KSR2: variants seen among roughly 807,000 people sequenced by gnomAD.
KSR2 encodes the protein kinase suppressor of ras 2.
KSR2 carries 25 observed loss-of-function variants against 107.8 expected under a neutral mutation model. The ratio of observed to expected loss-of-function variants is 0.23; its 90% CI spans 0.17 to 0.32. The LOEUF (loss-of-function observed/expected upper bound fraction) is 0.32, where lower values mean the gene tolerates loss of function less well. Among genes scored for constraint, KSR2 ranks in the 10% least tolerant of loss-of-function variants. The pLI, the probability that KSR2 is intolerant of heterozygous loss-of-function variation, is 1.00. For missense variants in KSR2, 887 were observed against 1,268.9 expected (o/e 0.70, Z 4.57); for synonymous variants, 480 against 507.0 (o/e 0.95, Z 0.71).
At chr12:117,880,171 A>C (rs1362625414) in intron 1 of KSR2, among the ~76,000 whole-genome samples, 1 of 152,238 alleles carries the variant, frequency 6.6e-6, no homozygotes, top group Non-Finnish European at 1.5e-5. Flanking sequence ...CAAACAAAAA[A>C]GATTTATATG....
At chr12:117,905,797 T>G (rs1413612506) in intron 1 of KSR2, among the ~76,000 whole-genome samples, 1 of 151,698 alleles carries the variant, frequency 6.6e-6, no homozygotes, top group Non-Finnish European at 1.5e-5. Context: ...AAAAGAGAAA[T>G]TGTATACCCT....
intron 4 of KSR2, among the ~76,000 whole-genome samples, chr12:117,751,419 G>A (rs1028951959): frequency 5.9e-5 from 9 of 152,032 alleles, no homozygotes; most frequent in African/African-American, 2.2e-4. Flanking sequence ...TTTAACCCTG[G>A]GTTAACTTTC....
At chr12:117,942,644 A>G (rs957983223) in intron 1 of KSR2, among the ~76,000 whole-genome samples, 13 of 148,284 alleles carry the variant, frequency 8.8e-5, no homozygotes, top group African/African-American at 3.2e-4. Flanking sequence ...GCATGCCATC[A>G]CACCTGGCTA....
intron 5 of KSR2, among the ~76,000 whole-genome samples, chr12:117,611,861 T>C (rs1881621994): frequency 6.6e-6 from 1 of 152,114 alleles, no homozygotes; most frequent in Non-Finnish European, 1.5e-5. Flanking sequence ...AATAAGCCAG[T>C]CACAAAAGGA....
chr12:117,649,673 G>T (rs994232791), intron 5 of KSR2, among the ~76,000 whole-genome samples: 1 of 152,166 alleles, frequency 6.6e-6, no homozygotes, highest in Non-Finnish European at 1.5e-5. Flanking sequence ...CCAAAGCCAG[G>T]ATGCCATGGC....
At chr12:117,941,399 T>TC (rs1896000489) in intron 1 of KSR2, among the ~76,000 whole-genome samples, 1 of 152,106 alleles carries the variant, frequency 6.6e-6, no homozygotes, top group Non-Finnish European at 1.5e-5. Context: ...AAATTAGTCT[T>TC]CCTTGTCATT....
chr12:117,647,415 C>A (rs1883700065), intron 5 of KSR2, among the ~76,000 whole-genome samples: 1 of 152,096 alleles, frequency 6.6e-6, no homozygotes, highest in South Asian at 2.1e-4. Context: ...ACTGATGGGG[C>A]CAAGCCTCAG....
intron 2 of KSR2, 62 bp from the exon 3 acceptor site, chr12:117,855,640 G>T: frequency 1.3e-6 from 2 of 1,538,048 alleles, no homozygotes; most frequent in South Asian, 2.3e-5. Flanking sequence ...CCTCCACGCT[G>T]CCCTGTAGTG....
chr12:117,856,365 A>G (rs750737671), intron 2 of KSR2, among the ~76,000 whole-genome samples: 4 of 152,222 alleles, frequency 2.6e-5, no homozygotes, highest in Non-Finnish European at 5.9e-5. Flanking sequence ...TTCTATATTT[A>G]TGCATCAGTA....
At chr12:117,773,361 C>T (rs1020419772) in intron 3 of KSR2, among the ~76,000 whole-genome samples, 15 of 152,132 alleles carry the variant, frequency 9.9e-5, no homozygotes, top group Admixed American at 1.3e-4. Flanking sequence ...GGGTTTTTCA[C>T]TTGACATTCT....
intron 1 of KSR2, among the ~76,000 whole-genome samples, chr12:117,904,575 C>A (rs1005956489): frequency 2.0e-5 from 3 of 152,180 alleles, no homozygotes; most frequent in Non-Finnish European, 4.4e-5. Context: ...ATATTGGACA[C>A]CCACTATGTG....
At chr12:117,625,463 T>C (rs878940820) in intron 5 of KSR2, among the ~76,000 whole-genome samples, 4 of 152,212 alleles carry the variant, frequency 2.6e-5, no homozygotes, top group Non-Finnish European at 5.9e-5. Context: ...GAGATAATCA[T>C]GTGGTTTTTG....
intron 1 of KSR2, among the ~76,000 whole-genome samples, chr12:117,861,298 T>A (rs1398740547): frequency 6.7e-6 from 1 of 148,736 alleles, no homozygotes; most frequent in African/African-American, 2.5e-5. Flanking sequence ...AAATAAATAC[T>A]CTCCCATTCA....
intron 14 of KSR2, among the ~76,000 whole-genome samples, chr12:117,523,736 G>T (rs1461123553): frequency 6.6e-6 from 1 of 152,156 alleles, no homozygotes; most frequent in Admixed American, 6.5e-5. Context: ...ACTTTGGGAG[G>T]CCAAGGCGGG....
intron 5 of KSR2, among the ~76,000 whole-genome samples, chr12:117,646,491 A>G (rs893538832): frequency 6.6e-6 from 1 of 152,196 alleles, no homozygotes. Context: ...AGCCTCCCAG[A>G]AAGAGCTACT....
intron 1 of KSR2, chr12:117,889,625 T>A (rs1894281471): frequency 6.6e-6 from 1 of 152,160 alleles, no homozygotes; most frequent in South Asian, 2.1e-4. Context: ...TCTTCCACCC[T>A]CCCCTTCAAT....
At chr12:117,688,138 G>C (rs933727819) in intron 4 of KSR2, among the ~76,000 whole-genome samples, 37 of 152,190 alleles carry the variant, frequency 2.4e-4, no homozygotes, top group Admixed American at 2.4e-3. Context: ...CCAGCACTTT[G>C]GGAGGCTGAG....
At chr12:117,551,221 C>T (rs1877284294) in intron 9 of KSR2, among the ~76,000 whole-genome samples, 1 of 152,026 alleles carries the variant, frequency 6.6e-6, no homozygotes, top group African/African-American at 2.4e-5. Context: ...CCTCATCCAC[C>T]CCACTCTGTC....
chr12:117,958,122 T>C (rs1427199204), intron 1 of KSR2, among the ~76,000 whole-genome samples: 3 of 152,014 alleles, frequency 2.0e-5, no homozygotes, highest in Non-Finnish European at 4.4e-5. Context: ...CGTGAGCCAC[T>C]GCACCCAGCT....
Sources: allele counts gnomAD v4.1 joint callset (sites outside exome capture counted in the v4.1 genomes callset), GRCh38; gene constraint gnomAD v4.1.1; transcripts MANE v1.5; gene names NCBI Gene and HGNC (gene_info 2026-07-23, HGNC 2026-07-21).